Variants in LRRC37A2 observed in about 807,000 individuals in gnomAD.
LRRC37A2 encodes the protein leucine rich repeat containing 37 member A2.
A neutral mutation model predicts 68.8 loss-of-function variants in LRRC37A2; 9 were observed. That is an observed-to-expected ratio of 0.13 (90% CI 0.08 to 0.23). The LOEUF is 0.23. Among genes scored for constraint, LRRC37A2 ranks in the 10% least tolerant of loss-of-function variants. The pLI, the probability that LRRC37A2 is intolerant of heterozygous loss-of-function variation, is 1.00. For missense variants in LRRC37A2, 168 were observed against 950.4 expected (o/e 0.18, Z 10.82); for synonymous variants, 63 against 367.6 (o/e 0.17, Z 9.48).
chr17:46,945,224 T>G, the LRRC37A2 span, among the ~76,000 whole-genome samples: 1 of 152,148 alleles, frequency 6.6e-6, no homozygotes, highest in Non-Finnish European at 1.5e-5. Flanking sequence ...AGGCCTGATG[T>G]GCTGTCTTCT....
chr17:46,535,080 G>C (rs551985301), intron 6 of LRRC37A2, among the ~76,000 whole-genome samples: 1 of 148,168 alleles, frequency 6.7e-6, no homozygotes, highest in Non-Finnish European at 1.5e-5. Context: ...TTTTTGTAGA[G>C]ACAGGGTTTT....
At chr17:46,809,710 T>C in the LRRC37A2 span, among the ~76,000 whole-genome samples, 2 of 152,146 alleles carry the variant, frequency 1.3e-5, no homozygotes, top group Admixed American at 1.3e-4. Context: ...GGCCAGTGGT[T>C]TTTGCATTAG....
chr17:47,036,422 G>A, the LRRC37A2 span, among the ~76,000 whole-genome samples: 2 of 152,054 alleles, frequency 1.3e-5, no homozygotes, highest in Non-Finnish European at 2.9e-5. Flanking sequence ...CTAATTTAAG[G>A]TCATGAGATT....
At chr17:46,840,367 C>G in the LRRC37A2 span, among the ~76,000 whole-genome samples, 1 of 152,142 alleles carries the variant, frequency 6.6e-6, no homozygotes, top group African/African-American at 2.4e-5. Flanking sequence ...ATTACAGGCG[C>G]GAGCCACGGT....
At chr17:47,035,174 C>G in the LRRC37A2 span, 1 of 152,224 alleles carries the variant, frequency 6.6e-6, no homozygotes, top group South Asian at 2.1e-4. Flanking sequence ...ACTTGATCCA[C>G]ATACCATCAA....
At chr17:46,758,550 A>G in the LRRC37A2 span, among the ~76,000 whole-genome samples, 1 of 152,216 alleles carries the variant, frequency 6.6e-6, no homozygotes. Context: ...GATGTTTTTG[A>G]GATCAAAACC....
At chr17:46,923,933 CT>C in the LRRC37A2 span, 1 of 398,496 alleles carries the variant, frequency 2.5e-6, no homozygotes, top group Non-Finnish European at 4.4e-6. Context: ...GATTTTTACC[CT>C]GTTTTGGAGG....
At chr17:46,937,657 A>G in the LRRC37A2 span, 1 of 152,152 alleles carries the variant, frequency 6.6e-6, no homozygotes, top group South Asian at 2.1e-4. Flanking sequence ...TTTTCTTGTT[A>G]TTGAACTTCA....
At chr17:46,768,633 G>T in the LRRC37A2 span, 1 of 1,614,140 alleles carries the variant, frequency 6.2e-7, no homozygotes, top group Non-Finnish European at 8.5e-7. This position sits in a 1 kb window ranked among gnomAD's most constrained non-coding sequence, Gnocchi z 5.0. Context: ...CCAGCCTCGG[G>T]ACTCACGGTG....
At chr17:46,816,057 A>G in the LRRC37A2 span, among the ~76,000 whole-genome samples, 6 of 152,190 alleles carry the variant, frequency 3.9e-5, no homozygotes, top group Non-Finnish European at 5.9e-5. Context: ...ATATTCATGC[A>G]CAAAGACATC....
the LRRC37A2 span, among the ~76,000 whole-genome samples, chr17:46,735,115 CT>C: frequency 6.6e-6 from 1 of 152,200 alleles, no homozygotes; most frequent in East Asian, 1.9e-4. Flanking sequence ...CAGATATCTG[CT>C]GAATAAAATC....
chr17:46,394,639 T>A, the LRRC37A2 span, among the ~76,000 whole-genome samples: 2 of 76,584 alleles, frequency 2.6e-5, no homozygotes, highest in African/African-American at 7.4e-5. Flanking sequence ...TTTTTTTTTT[T>A]AAAGACAGTA....
At chr17:46,896,462 A>C in the LRRC37A2 span, among the ~76,000 whole-genome samples, 1 of 139,976 alleles carries the variant, frequency 7.1e-6, no homozygotes, top group African/African-American at 2.9e-5. Context: ...AAAAGAAAGA[A>C]AGAAAGAAAG....
chr17:46,967,066 T>C, the LRRC37A2 span: 1 of 171,764 alleles, frequency 5.8e-6, no homozygotes, highest in African/African-American at 2.4e-5. Flanking sequence ...CCGCAGTGAA[T>C]TGTGTGGGAA....
the LRRC37A2 span, among the ~76,000 whole-genome samples, chr17:46,786,601 CT>C: frequency 6.6e-6 from 1 of 152,268 alleles, no homozygotes; most frequent in African/African-American, 2.4e-5. Context: ...CGTTTCTCCA[CT>C]TTGCTGCGCA....
the LRRC37A2 span, chr17:46,851,476 C>CG: frequency 3.0e-6 from 1 of 328,562 alleles, no homozygotes; most frequent in Non-Finnish European, 5.4e-6. This position sits in a 1 kb window ranked among gnomAD's most constrained non-coding sequence, Gnocchi z 4.3. Context: ...GCCAATGGGG[C>CG]GGGGGGCTCG....
At chr17:46,494,488 A>G in the LRRC37A2 span, among the ~76,000 whole-genome samples, 10 of 149,000 alleles carry the variant, frequency 6.7e-5, no homozygotes, top group Admixed American at 2.7e-4. Context: ...ATGAATGATA[A>G]TGGCTGTTCC....
chr17:46,416,989 T>C, the LRRC37A2 span, among the ~76,000 whole-genome samples: 1 of 140,072 alleles, frequency 7.1e-6, no homozygotes, highest in African/African-American at 2.6e-5. Context: ...TCCCAGCTAC[T>C]TGAGAATCTG....
chr17:46,892,261 T>G, the LRRC37A2 span, among the ~76,000 whole-genome samples: 1 of 151,986 alleles, frequency 6.6e-6, no homozygotes, highest in African/African-American at 2.4e-5. Context: ...CACCCCTGCC[T>G]AAAAACCCCA....
Sources: allele counts gnomAD v4.1 joint callset (sites outside exome capture counted in the v4.1 genomes callset), GRCh38; gene constraint gnomAD v4.1.1; non-coding constraint Gnocchi (gnomAD v3.1); transcripts MANE v1.5; gene names NCBI Gene and HGNC (gene_info 2026-07-23, HGNC 2026-07-21).